The following NXPE2 variants were observed in gnomAD, a reference collection of about 807,000 sequenced individuals.
NXPE2 encodes the protein neurexophilin and PC-esterase domain family member 2.
Under a neutral mutation model 34.4 loss-of-function variants are expected in NXPE2, and 34 were observed. That is an observed-to-expected ratio of 0.99 (90% CI 0.75 to 1.31). The LOEUF (loss-of-function observed/expected upper bound fraction) is 1.31, where lower values mean the gene tolerates loss of function less well. Ranked by LOEUF, NXPE2 falls within the 40% of genes most tolerant of loss-of-function variation. The pLI is 0.00. For synonymous variants in NXPE2, 235 were observed against 231.3 expected (o/e 1.02, Z -0.15); for missense variants, 649 against 672.5 (o/e 0.97, Z 0.39).
the NXPE2 span, among the ~76,000 whole-genome samples, chr11:114,643,370 T>A: frequency 2.0e-5 from 3 of 152,152 alleles, no homozygotes; most frequent in African/African-American, 7.2e-5. Flanking sequence ...GGTTTTCTTC[T>A]AGTGTTTTTA....
the NXPE2 span, among the ~76,000 whole-genome samples, chr11:114,594,191 T>C: frequency 6.6e-6 from 1 of 152,136 alleles, no homozygotes; most frequent in African/African-American, 2.4e-5. Flanking sequence ...ATTGTCTTGT[T>C]TGTAGCACAA....
the NXPE2 span, among the ~76,000 whole-genome samples, chr11:114,610,511 A>G: frequency 7.1e-6 from 1 of 141,240 alleles, no homozygotes; most frequent in African/African-American, 3.0e-5. Context: ...GTGTTGCCTC[A>G]TGTGTAACCA....
the NXPE2 span, among the ~76,000 whole-genome samples, chr11:114,572,322 G>T: frequency 3.3e-5 from 5 of 151,998 alleles, no homozygotes; most frequent in African/African-American, 1.2e-4. Flanking sequence ...TTTAACTCCT[G>T]CAAAAGACCA....
the NXPE2 span, among the ~76,000 whole-genome samples, chr11:114,745,719 A>C: frequency 6.6e-6 from 1 of 152,230 alleles, no homozygotes; most frequent in South Asian, 2.1e-4. Flanking sequence ...ATGAGAAGCG[A>C]AAACTCAAAA....
chr11:114,799,472 G>T, the NXPE2 span, among the ~76,000 whole-genome samples: 7 of 152,148 alleles, frequency 4.6e-5, no homozygotes, highest in Non-Finnish European at 1.0e-4. Context: ...TAAATGAGAT[G>T]GTGATGAAGT....
the NXPE2 span, among the ~76,000 whole-genome samples, chr11:114,626,832 G>A: frequency 3.2e-4 from 48 of 152,188 alleles, 1 homozygote; most frequent in East Asian, 7.3e-3. Flanking sequence ...AAAGGAGCTG[G>A]TGGAGCTGAA....
At chr11:114,497,450 G>A in the NXPE2 span, among the ~76,000 whole-genome samples, 1 of 152,052 alleles carries the variant, frequency 6.6e-6, no homozygotes, top group South Asian at 2.1e-4. Context: ...CCCTATACAG[G>A]TGTACCATTG....
At chr11:114,566,697 T>TTC in the NXPE2 span, among the ~76,000 whole-genome samples, 11,537 of 150,442 alleles carry the variant, frequency 0.077, 1,443 homozygotes, top group African/African-American at 0.26. Context: ...ATCAAGGGAT[T>TTC]TCTCTCTCTC....
chr11:114,792,382 T>G, the NXPE2 span, among the ~76,000 whole-genome samples: 1 of 152,254 alleles, frequency 6.6e-6, no homozygotes, highest in Non-Finnish European at 1.5e-5. Flanking sequence ...CTTACTAGTC[T>G]GGACTCTGAC....
chr11:114,739,549 T>C, the NXPE2 span, among the ~76,000 whole-genome samples: 2 of 152,052 alleles, frequency 1.3e-5, no homozygotes, highest in Non-Finnish European at 2.9e-5. Context: ...TGTGAAATGA[T>C]TATCCCAATC....
At chr11:114,725,909 A>G in the NXPE2 span, among the ~76,000 whole-genome samples, 1 of 149,604 alleles carries the variant, frequency 6.7e-6, no homozygotes. Flanking sequence ...ATCTTGGCTT[A>G]TGGTCCCTCT....
chr11:114,766,956 C>T, the NXPE2 span, among the ~76,000 whole-genome samples: 1 of 151,848 alleles, frequency 6.6e-6, no homozygotes, highest in African/African-American at 2.4e-5. Context: ...TCTCTTACCC[C>T]AGGAAGAATT....
the NXPE2 span, among the ~76,000 whole-genome samples, chr11:114,636,299 C>T: frequency 6.6e-6 from 1 of 151,920 alleles, no homozygotes; most frequent in Non-Finnish European, 1.5e-5. Context: ...TCTGTGAGAT[C>T]GGTGGTGATA....
At chr11:114,736,825 A>G in the NXPE2 span, among the ~76,000 whole-genome samples, 4 of 152,222 alleles carry the variant, frequency 2.6e-5, no homozygotes, top group African/African-American at 4.8e-5. Context: ...GAACTAATAA[A>G]TGTCCATGAA....
At chr11:114,552,898 C>A in the NXPE2 span, 20 of 966,332 alleles carry the variant, frequency 2.1e-5, no homozygotes, top group Middle Eastern at 5.3e-4. Context: ...TAAGGAGAAG[C>A]AGCAAAATTA....
the NXPE2 span, among the ~76,000 whole-genome samples, chr11:114,788,814 C>T: frequency 3.9e-5 from 6 of 152,148 alleles, no homozygotes; most frequent in Non-Finnish European, 5.9e-5. Flanking sequence ...TTCTGCATCA[C>T]GAATCATCAT....
chr11:114,627,928 A>T, the NXPE2 span, among the ~76,000 whole-genome samples: 2 of 152,052 alleles, frequency 1.3e-5, no homozygotes, highest in Non-Finnish European at 2.9e-5. Flanking sequence ...AAAGAAGGCC[A>T]TTATTTAATG....
the NXPE2 span, among the ~76,000 whole-genome samples, chr11:114,533,122 A>G: frequency 4.6e-5 from 7 of 152,232 alleles, no homozygotes; most frequent in Non-Finnish European, 7.3e-5. Context: ...CCAAGGTATG[A>G]GAATGATGGG....
the NXPE2 span, among the ~76,000 whole-genome samples, chr11:114,771,646 C>T: frequency 5.9e-5 from 9 of 152,146 alleles, no homozygotes; most frequent in Admixed American, 1.3e-4. Flanking sequence ...TTTGCGTGTA[C>T]CTCACCCTTT....
Sources: gnomAD v4.1 joint callset for allele counts (sites outside exome capture counted in the v4.1 genomes callset) on GRCh38, gnomAD v4.1.1 for gene constraint, MANE v1.5 for transcripts, NCBI Gene and HGNC (gene_info 2026-07-23, HGNC 2026-07-21) for gene names.